ANKHD1: variants seen among roughly 807,000 people sequenced by gnomAD.
ANKHD1 encodes the protein ankyrin repeat and KH domain containing 1, also known as ankyrin repeat and KH domain-containing protein 1.
Under a neutral mutation model 230.5 loss-of-function variants are expected in ANKHD1, and 31 were observed. That is an observed-to-expected ratio of 0.13 (90% confidence interval 0.10 to 0.18). The LOEUF (loss-of-function observed/expected upper bound fraction) is 0.18. Among genes scored for constraint, ANKHD1 ranks in the 10% least tolerant of loss-of-function variants. ANKHD1 has a pLI of 1.00. For missense variants in ANKHD1, 2,256 were observed against 3,071.3 expected, an observed-to-expected ratio of 0.73 and a Z score of 6.27; for synonymous variants, 1,074 against 1,117.6, an observed-to-expected ratio of 0.96 and a Z score of 0.78.
chr5:140,510,254 T>G, intron 22 of ANKHD1, 73 bp downstream of exon 22: 3 of 1,477,876 alleles, frequency 2.0e-6, no homozygotes, highest in South Asian at 2.9e-5. Context: ...AAAGATAAGT[T>G]TATCTTGGAG....
intron 6 of ANKHD1, among the ~76,000 whole-genome samples, chr5:140,448,222 GAT>G (rs1189460651): frequency 6.6e-6 from 1 of 152,064 alleles, no homozygotes; most frequent in African/African-American, 2.4e-5. Flanking sequence ...TAAGAGAGTG[GAT>G]ATTAGATAGG....
Position 140,538,825 on chromosome 5 carries a change from A to G in ANKHD1, c.7405-94A>G, listed in dbSNP as rs61277124. 2.6e-3 allele frequency: 3,353 copies of G among 1,272,698 alleles called. 87 individuals carry two copies. In the African/African-American group the frequency reaches 0.047, roughly 18 times the overall value. The allele number at this position is 1,272,698 out of a possible 1,614,324, so 78.8% of individuals were successfully genotyped here. ...TCTTTTGGAGTTCTTTAAATGAGGAATATTAGAGAAGTCTAAGCTGGTATT... is the reference window on the plus strand; with the variant it reads ...TCTTTTGGAGTTCTTTAAATGAGGAGTATTAGAGAAGTCTAAGCTGGTATT... On this transcript the variant is annotated intron_variant, in intron 32 of 33. Transcript: ENST00000360839.
intron 10 of ANKHD1, among the ~76,000 whole-genome samples, chr5:140,466,424 A>G (rs970008598): frequency 6.6e-6 from 1 of 151,736 alleles, no homozygotes; most frequent in Non-Finnish European, 1.5e-5. Context: ...ATTAAATAGG[A>G]TAAAAGAGGA....
At chr5:140,478,368 T>C (rs1751081697) in intron 10 of ANKHD1, among the ~76,000 whole-genome samples, 1 of 150,610 alleles carries the variant, frequency 6.6e-6, no homozygotes, top group African/African-American at 2.4e-5. Flanking sequence ...TTTTTCTTTT[T>C]TTTTTTTTTT....
intron 1 of ANKHD1, among the ~76,000 whole-genome samples, chr5:140,402,964 CTTTTTTTT>C (rs56939861): frequency 3.7e-4 from 27 of 73,942 alleles, no homozygotes; most frequent in South Asian, 3.4e-3. Flanking sequence ...GAAACCTCTT[CTTTTTTTT>C]TTTTTTTTTT....
chr5:140,421,296 CTTTTTTTTTTT>C (rs35408466), intron 1 of ANKHD1, among the ~76,000 whole-genome samples: 1 of 94,510 alleles, frequency 1.1e-5, no homozygotes, highest in Middle Eastern at 6.6e-3. Context: ...AGAGTTTTTA[CTTTTTTTTTTT>C]TTTTTTTTTT....
Position 140,485,258 on chromosome 5 carries a change from TTAAAAA to T in ANKHD1, c.1998+14_1998+19del. 1 of 1,605,690 alleles carries T rather than the reference TTAAAAA, an allele frequency of 6.2e-7. No homozygotes were observed. The highest frequency in any genetic ancestry group is 8.5e-7 in the Non-Finnish European group (1 of 1,173,742). On this transcript the variant is annotated intron_variant, in intron 12 of 33. Coordinates refer to ENST00000360839, the MANE Select transcript of ANKHD1 (RefSeq NM_017747.3). The surrounding 1 kb of genome is among the most constrained non-coding windows in gnomAD (Gnocchi z 4.8). The stretch of plus-strand genomic sequence containing the variant: ...TACTCATCGACTCAAGGTAGTCTAC[TTAAAAA>T]TAAGTAAACAGGCTGTGTGCGGTGG...
At chr5:140,504,685 C>A in intron 15 of ANKHD1, 136 bp from the exon 16 acceptor site, 1 of 1,157,578 alleles carries the variant, frequency 8.6e-7, no homozygotes, top group Non-Finnish European at 1.2e-6. Flanking sequence ...AAATGTAGGT[C>A]TGTCTGATTC....
rs186581146 is a variant in ANKHD1 at position 140,502,640 on chromosome 5, G to A, written c.3005-2181G>A. Among the ~76,000 whole-genome samples the A allele has an allele frequency of 2.8e-3, 420 of 151,730 alleles. 1 individual carries two copies. Among genetic ancestry groups the A allele is most frequent in the South Asian group, 0.015 (72 of 4,768 alleles). On this transcript the variant is annotated intron_variant, in intron 15 of 33. Transcript: ENST00000360839. ...GAAGTCTTACTGTTAGAAAGGTTCT[G>A]TAACATATTAATCTTCAGTGTCTTG...
Position 140,487,032 on chromosome 5 carries a change from C to T in ANKHD1, c.2217C>T (p.Asn739=). ...PQEPDRTSQE[N]SPALLGVQKG... ...AACCTGACAGAACTTCACAGGAGAA[C>T]TCTCCTGCCCTTTTAGGAGTGCAAA... The change falls in exon 14 of 34, where the codon AAC becomes AAT. Residue 739 remains asparagine (N), a synonymous_variant. Coordinates refer to ENST00000360839, the MANE Select transcript of ANKHD1 (RefSeq NM_017747.3). 1 of 1,613,366 alleles carries T rather than the reference C, an allele frequency of 6.2e-7. No individual in the cohort carries two copies. The highest frequency in any genetic ancestry group is 8.5e-7 in the Non-Finnish European group (1 of 1,179,504).
chr5:140,495,348 C>T (rs544358575), intron 14 of ANKHD1, among the ~76,000 whole-genome samples: 15 of 151,872 alleles, frequency 9.9e-5, no homozygotes, highest in African/African-American at 3.6e-4. Flanking sequence ...CGGGTTCACG[C>T]CATTCTCCTG....
At chr5:140,486,862 A>C (rs1242456939) in intron 13 of ANKHD1, 96 bp from the exon 14 acceptor site, 2 of 1,238,810 alleles carry the variant, frequency 1.6e-6, no homozygotes, top group Admixed American at 5.8e-5. Context: ...ATTTGGTGGT[A>C]TATGAAGATA....
At position 140,527,674 on chromosome 5, in the gene ANKHD1, C is replaced by T. The variant is rs188581340; in HGVS notation, c.5088-199C>T. 5.3e-4 allele frequency among the ~76,000 whole-genome samples: 81 copies of T among 152,182 alleles called. No homozygotes were observed. The highest frequency in any genetic ancestry group is 9.2e-4 in the Admixed American group (14 of 15,270). ...AATTAGGTTCTCTGAAACTGCAGAG[C>T]AATGTAATTTTTAACTTTACTAAAT... On this transcript the variant is annotated intron_variant, in intron 27 of 33. Transcript: ENST00000360839. This position sits in a 1 kb window ranked among gnomAD's most constrained non-coding sequence, Gnocchi z 4.5.
Position 140,509,729 on chromosome 5 carries a change from C to G in ANKHD1, c.3858C>G (p.Pro1286=), listed in dbSNP as rs980971773. The G allele has an allele frequency of 6.2e-6, 10 of 1,613,082 alleles. No individual in the cohort carries two copies. Among genetic ancestry groups the G allele is most frequent in the Middle Eastern group, 1.6e-4 (1 of 6,084 alleles). The part of the protein sequence containing the change: ...LLDKGADVNA[P]PVPSSRDTAL... Reference sequence around the variant, plus strand: ...ATAAAGGAGCAGATGTTAATGCTCCCCCTGTGCCTTCCTCAAGAGATACTG... The same window carrying G: ...ATAAAGGAGCAGATGTTAATGCTCCGCCTGTGCCTTCCTCAAGAGATACTG... Residue 1286 remains proline (P), a synonymous_variant, in exon 21 of 34, where the codon CCC becomes CCG. Coordinates refer to ENST00000360839, the MANE Select transcript of ANKHD1 (RefSeq NM_017747.3).
chr5:140,459,725 C>G (rs1004794737), intron 9 of ANKHD1, among the ~76,000 whole-genome samples: 4 of 152,108 alleles, frequency 2.6e-5, no homozygotes, highest in Admixed American at 2.0e-4. Context: ...CATAACATCA[C>G]ATTGTACCCC....
rs1365487034 is a variant in ANKHD1, at chr5:140,506,044, G to T, written c.3408+175G>T. On this transcript the variant is annotated intron_variant, in intron 18 of 33. Transcript: ENST00000360839. The surrounding 1 kb of genome is among the most constrained non-coding windows in gnomAD (Gnocchi z 4.7). ...GAGTACAGTGGTGCAATTACAGCTCGCTATAACCTTGAACTCTGGGGCTCA... is the reference window on the plus strand; with the variant it reads ...GAGTACAGTGGTGCAATTACAGCTCTCTATAACCTTGAACTCTGGGGCTCA... Among the ~76,000 whole-genome samples, 1 of 152,104 alleles carries T rather than the reference G, an allele frequency of 6.6e-6. No individual in the cohort carries two copies. The highest frequency in any genetic ancestry group is 1.5e-5 in the Non-Finnish European group (1 of 68,016).
At chr5:140,531,418 T>C (rs1753812248) in intron 29 of ANKHD1, 1 of 284,314 alleles carries the variant, frequency 3.5e-6, no homozygotes, top group African/African-American at 2.3e-5. Context: ...CCATCTCTAC[T>C]AAAAATATAA....
chr5:140,519,216 T>G (rs1429974274), intron 24 of ANKHD1, among the ~76,000 whole-genome samples: 1 of 152,124 alleles, frequency 6.6e-6, no homozygotes, highest in Non-Finnish European at 1.5e-5. Flanking sequence ...GAATCCAACT[T>G]ACAAGGGATG....
intron 9 of ANKHD1, among the ~76,000 whole-genome samples, chr5:140,460,616 G>A (rs1775634286): frequency 6.6e-6 from 1 of 152,046 alleles, no homozygotes; most frequent in East Asian, 1.9e-4. Context: ...AACCTCCTGG[G>A]CTCAAGTGAT....
Sources: allele counts gnomAD v4.1 joint callset (sites outside exome capture counted in the v4.1 genomes callset), GRCh38; gene constraint gnomAD v4.1.1; non-coding constraint Gnocchi (gnomAD v3.1); transcripts MANE v1.5; gene names NCBI Gene and HGNC (gene_info 2026-07-23, HGNC 2026-07-21).